Variants in CCAR2 observed in about 807,000 individuals in gnomAD.
CCAR2 encodes cell cycle and apoptosis regulator protein 2.
CCAR2 carries 21 observed loss-of-function variants against 108.1 expected under a neutral mutation model. That is an observed-to-expected ratio of 0.19 (90% CI 0.14 to 0.28). The LOEUF (loss-of-function observed/expected upper bound fraction) is 0.28. CCAR2 is among the 10% of genes least tolerant of loss of function. The pLI is 1.00. For synonymous variants in CCAR2, 577 were observed against 472.8 expected (o/e 1.22, Z -2.86); for missense variants, 1,126 against 1,177.0 (o/e 0.96, Z 0.63).
At chr8:22,615,370 G>T in intron 11 of CCAR2, 55 bp from the exon 12 acceptor site, 1 of 1,572,880 alleles carries the variant, frequency 6.4e-7, no homozygotes, top group Non-Finnish European at 8.6e-7. Flanking sequence ...TGTGAACGTG[G>T]TGTCTGCGTG....
intron 19 of CCAR2, 39 bp downstream of exon 19, chr8:22,619,054 C>A (rs745679869): frequency 1.2e-6 from 2 of 1,606,572 alleles, no homozygotes; most frequent in African/African-American, 1.3e-5. Flanking sequence ...GGGTCACATG[C>A]AGACCAGTAG....
At chr8:22,616,950 C>T (rs1462697756) in intron 14 of CCAR2, among the ~76,000 whole-genome samples, 1 of 89,518 alleles carries the variant, frequency 1.1e-5, no homozygotes, top group Non-Finnish European at 1.8e-5. Flanking sequence ...GGCGCAACCT[C>T]GGCTCACTGC....
rs970463971 is a variant in CCAR2, at chr8:22,606,981, C to T, written c.314C>T (p.Ala105Val). The change falls in exon 5 of 21, where the codon GCA (alanine) becomes GTA (valine). Residue 105 changes from alanine (A) to valine (V), a missense_variant. By Grantham distance (64) the Ala-to-Val change is moderately conservative. Coordinates refer to ENST00000308511, the MANE Select transcript of CCAR2 (RefSeq NM_001393997.1). ...LVKAAYNPGQ[A>V]VPWNAVKVQT... ...AAGGCTGCATACAACCCAGGCCAGG[C>T]AGTGCCCTGGAATGCTGTCAAGGTG... 6.2e-7 allele frequency: 1 copy of T among 1,614,136 alleles called. No homozygotes were observed. Among genetic ancestry groups the T allele is most frequent in the Non-Finnish European group, 8.5e-7 (1 of 1,180,012 alleles).
chr8:22,605,159 C>T lies in CCAR2; in HGVS notation c.-39+317C>T, dbSNP rs116765617. 1,797 of 191,088 alleles carry T rather than the reference C, an allele frequency of 9.4e-3. 35 individuals are homozygous for T. Among genetic ancestry groups the T allele is most frequent in the East Asian group, 0.062 (334 of 5,400 alleles). 11.8% of individuals were successfully genotyped at this position (191,088 alleles called of 1,614,324 possible). On this transcript the variant is annotated intron_variant, in intron 1 of 20. Coordinates refer to ENST00000308511, the MANE Select transcript of CCAR2 (RefSeq NM_001393997.1). ...CAGGAGGGTGGCGCGCAGCCGGTTT[C>T]GCGTTTGGTCGGCCAGGGAGCTGCC...
In CCAR2 at chr8:22,618,807, T is replaced by G; in HGVS notation, c.2333-20T>G. Reference sequence around the variant, plus strand: ...TCTCTGGAGACTCCATCCTGAATTCTTTTTCACGGTTCTCTCTAGGAAACC... The same window carrying G: ...TCTCTGGAGACTCCATCCTGAATTCGTTTTCACGGTTCTCTCTAGGAAACC... On this transcript the variant is annotated intron_variant, in intron 18 of 20. Coordinates refer to ENST00000308511, the MANE Select transcript of CCAR2 (RefSeq NM_001393997.1). The G allele has an allele frequency of 1.2e-6, 2 of 1,612,954 alleles. No homozygotes were observed. The highest frequency in any genetic ancestry group is 1.7e-6 in the Non-Finnish European group (2 of 1,179,568).
Position 22,618,728 on chromosome 8 carries a change from G to A in CCAR2, c.2332G>A (p.Gly778Arg), listed in dbSNP as rs202127408. The A allele has an allele frequency of 3.1e-6, 5 of 1,613,910 alleles. No individual in the cohort carries two copies. Among genetic ancestry groups the A allele is most frequent in the Non-Finnish European group, 4.2e-6 (5 of 1,179,984 alleles). Reference protein sequence around the residue: ...DGGLPEEVLFGNLDLLPPPGK... With the variant: ...DGGLPEEVLFRNLDLLPPPGK... ...TGGCCTTCCCGAGGAGGTGCTCTTCGGTATGTTCTGGGGCCCTGCAGCCTT... is the reference window on the plus strand; with the variant it reads ...TGGCCTTCCCGAGGAGGTGCTCTTCAGTATGTTCTGGGGCCCTGCAGCCTT... Residue 778 changes from glycine (G) to arginine (R), a missense_variant and splice_region_variant, in exon 18 of 21, where the codon GGA becomes AGA. By Grantham distance (125) the Gly-to-Arg change is moderately radical. Transcript: ENST00000308511.
chr8:22,609,004 A>G (rs571141704), intron 7 of CCAR2, among the ~76,000 whole-genome samples: 299 of 151,728 alleles, frequency 2.0e-3, no homozygotes, highest in Middle Eastern at 0.01. Flanking sequence ...AAATCTTGAC[A>G]GTTTTGACAA....
At position 22,616,001 on chromosome 8, in the gene CCAR2, C is replaced by T; in HGVS notation, c.1609-11C>T. 1.9e-6 allele frequency: 3 copies of T among 1,613,536 alleles called. No individual in the cohort carries two copies. The highest frequency in any genetic ancestry group is 2.2e-5 in the East Asian group (1 of 44,864). On this transcript the variant is annotated splice_polypyrimidine_tract_variant and intron_variant, in intron 13 of 20. Transcript: ENST00000308511. ...TCCTGATGCTCATGGACCCTCCCAC[C>T]TCCCCATCAGGTGATGGTGCTGGCC...
chr8:22,619,362 T>G lies in CCAR2; in HGVS notation c.2727+7T>G, dbSNP rs749414198. On this transcript the variant is annotated splice_region_variant and intron_variant, in intron 20 of 20. Transcript: ENST00000308511. ...CCAGCGGGTGGTGGAAAAGGTAAGG[T>G]GGGGGTGGACCAGGAGGCAGCACAG... The G allele has an allele frequency of 3.9e-6, 6 of 1,554,636 alleles. No individual in the cohort carries two copies. The Admixed American group carries it at 7.8e-5, about 20-fold the overall frequency.
rs1336013640 is a variant in CCAR2 at position 22,604,794 on chromosome 8, G to C, written c.-87G>C. 1.3e-5 allele frequency: 6 copies of C among 455,734 alleles called. No homozygotes were observed. The highest frequency in any genetic ancestry group is 1.2e-4 in the Admixed American group (5 of 42,574). 28.2% of individuals were successfully genotyped at this position (455,734 alleles called of 1,614,324 possible). ...GGTGGCGGCGGCAGCAGCGGCTGTG[G>C]TGGTTCCGGGTGTCTTTGTCCCCCC... On this transcript the variant is annotated 5_prime_UTR_variant, in exon 1 of 21. Coordinates refer to ENST00000308511, the MANE Select transcript of CCAR2 (RefSeq NM_001393997.1).
intron 7 of CCAR2, among the ~76,000 whole-genome samples, chr8:22,609,273 A>G (rs1351658958): frequency 6.6e-6 from 1 of 152,126 alleles, no homozygotes; most frequent in Non-Finnish European, 1.5e-5. Context: ...TATAAATCCC[A>G]GTGCTTTGGG....
chr8:22,609,407 C>T (rs558177948), intron 7 of CCAR2, among the ~76,000 whole-genome samples: 54 of 152,308 alleles, frequency 3.5e-4, no homozygotes, highest in South Asian at 2.9e-3. Context: ...CCACCTCAGC[C>T]TCCCAAAGCG....
chr8:22,619,479 A>G (rs1044856152), intron 20 of CCAR2, 124 bp downstream of exon 20: 81 of 1,412,962 alleles, frequency 5.7e-5, no homozygotes, highest in Admixed American at 1.4e-4. Flanking sequence ...TCGTCTTTCC[A>G]TCGCTTGCCA....
Position 22,608,977 on chromosome 8 carries a change from T to C in CCAR2, c.584+912T>C, listed in dbSNP as rs116925588. On this transcript the variant is annotated intron_variant, in intron 7 of 20. Coordinates refer to ENST00000308511, the MANE Select transcript of CCAR2 (RefSeq NM_001393997.1). Reference sequence around the variant, plus strand: ...GTAAAAAATTTTAACGTGGAACTTATGTAGATTGAAATGCACAAATCTTGA... The same window carrying C: ...GTAAAAAATTTTAACGTGGAACTTACGTAGATTGAAATGCACAAATCTTGA... 6.2e-3 allele frequency among the ~76,000 whole-genome samples: 940 copies of C among 152,318 alleles called. 7 individuals carry two copies. Among genetic ancestry groups the C allele is most frequent in the Admixed American group, 8.4e-3 (128 of 15,300 alleles).
intron 20 of CCAR2, 103 bp from the exon 21 acceptor site, chr8:22,619,532 TCAG>T: frequency 7.0e-7 from 1 of 1,436,562 alleles, no homozygotes; most frequent in Non-Finnish European, 9.6e-7. Flanking sequence ...AATTGAGCAG[TCAG>T]CAGCGTGCAG....
chr8:22,614,074 C>T lies in CCAR2; in HGVS notation c.705-18C>T. Reference sequence around the variant, plus strand: ...TTAGTCTTTGCTCAGTCTGGATTCCCTTGCTGTCTTCCTGTAGCCCCATCT... The same window carrying T: ...TTAGTCTTTGCTCAGTCTGGATTCCTTTGCTGTCTTCCTGTAGCCCCATCT... On this transcript the variant is annotated intron_variant, in intron 8 of 20. Transcript: ENST00000308511. 2 of 1,607,350 alleles carry T rather than the reference C, an allele frequency of 1.2e-6. No individual in the cohort carries two copies. The highest frequency in any genetic ancestry group is 1.7e-6 in the Non-Finnish European group (2 of 1,174,992).
intron 14 of CCAR2, among the ~76,000 whole-genome samples, chr8:22,617,183 G>GTAATT (rs1441669024): frequency 2.0e-5 from 3 of 151,982 alleles, no homozygotes; most frequent in Admixed American, 6.6e-5. Flanking sequence ...TCAAATGAAT[G>GTAATT]TAATTTCTTC....
At chr8:22,611,068 A>G (rs1461200724) in intron 7 of CCAR2, among the ~76,000 whole-genome samples, 1 of 151,334 alleles carries the variant, frequency 6.6e-6, no homozygotes, top group Non-Finnish European at 1.5e-5. Context: ...TTAAAATAAT[A>G]TAAATACGTA....
chr8:22,611,079 G>A (rs1346362197), intron 7 of CCAR2, among the ~76,000 whole-genome samples: 1 of 151,588 alleles, frequency 6.6e-6, no homozygotes, highest in Non-Finnish European at 1.5e-5. Context: ...TAAATACGTA[G>A]GCCAGGCGCG....
Sources: allele counts gnomAD v4.1 joint callset (sites outside exome capture counted in the v4.1 genomes callset), GRCh38; gene constraint gnomAD v4.1.1; transcripts MANE v1.5; gene names NCBI Gene and HGNC (gene_info 2026-07-23, HGNC 2026-07-21).